Variants in CTNND2 observed in about 807,000 individuals in gnomAD.
CTNND2 encodes catenin delta-2.
Under a neutral mutation model 144.4 loss-of-function variants are expected in CTNND2, and 22 were observed. The ratio of observed to expected loss-of-function variants is 0.15; its 90% confidence interval spans 0.11 to 0.22. The LOEUF is 0.22. CTNND2 is among the 10% of genes least tolerant of loss of function. The pLI is 1.00. For synonymous variants in CTNND2, 751 were observed against 695.6 expected (o/e 1.08, Z -1.25); for missense variants, 1,353 against 1,618.8 (o/e 0.84, Z 2.82).
chr5:11,786,076 C>T (rs1319918889), intron 1 of CTNND2, among the ~76,000 whole-genome samples: 1 of 152,190 alleles, frequency 6.6e-6, no homozygotes, highest in African/African-American at 2.4e-5. Flanking sequence ...TCGACCAGAC[C>T]CCCATTCTGC....
chr5:11,487,607 T>C (rs1443595197), intron 3 of CTNND2, among the ~76,000 whole-genome samples: 1 of 152,156 alleles, frequency 6.6e-6, no homozygotes, highest in Admixed American at 6.5e-5. Context: ...CCAGGGACGC[T>C]GTGAGTCTTT....
chr5:11,570,015 C>T (rs1203227656), intron 2 of CTNND2, among the ~76,000 whole-genome samples: 1 of 152,182 alleles, frequency 6.6e-6, no homozygotes, highest in Admixed American at 6.5e-5. Context: ...AGACAAGATG[C>T]ACATACTATT....
intron 16 of CTNND2, among the ~76,000 whole-genome samples, chr5:11,025,609 A>G (rs182074645): frequency 1.6e-4 from 25 of 152,318 alleles, no homozygotes; most frequent in Admixed American, 1.4e-3. Flanking sequence ...GATATTTTAC[A>G]AAAAGAATTC....
chr5:11,484,610 CAA>C (rs1768627011), intron 3 of CTNND2, among the ~76,000 whole-genome samples: 1 of 152,156 alleles, frequency 6.6e-6, no homozygotes, highest in African/African-American at 2.4e-5. Context: ...CATATATACC[CAA>C]GACAACTATA....
At chr5:11,304,241 T>C (rs1344844334) in intron 9 of CTNND2, among the ~76,000 whole-genome samples, 1 of 152,168 alleles carries the variant, frequency 6.6e-6, no homozygotes, top group Non-Finnish European at 1.5e-5. Flanking sequence ...TAAAATACTT[T>C]GTGAAATGTT....
At chr5:11,083,940 C>T in intron 15 of CTNND2, 1 of 1,147,742 alleles carries the variant, frequency 8.7e-7, no homozygotes, top group South Asian at 1.7e-5. Context: ...ATGCCTGCCA[C>T]ATCCTCAGCC....
At chr5:11,157,746 C>T (rs1052080790) in intron 12 of CTNND2, among the ~76,000 whole-genome samples, 3 of 152,222 alleles carry the variant, frequency 2.0e-5, no homozygotes, top group Non-Finnish European at 4.4e-5. Context: ...TCTGGTGTCA[C>T]AGATGTCTGC....
intron 6 of CTNND2, 45 bp from the exon 7 acceptor site, chr5:11,385,274 A>C: frequency 9.6e-7 from 1 of 1,044,454 alleles, no homozygotes; most frequent in Non-Finnish European, 1.2e-6. Context: ...GCGAGGGAGA[A>C]GCACACGGCC....
chr5:11,199,694 C>T (rs1433653868), intron 10 of CTNND2, 33 bp from the exon 11 acceptor site: 3 of 1,557,068 alleles, frequency 1.9e-6, no homozygotes, highest in Non-Finnish European at 2.7e-6. Context: ...TTTTGCTTTA[C>T]AGTGTAAGGT....
chr5:11,128,845 T>C (rs1176074460), intron 12 of CTNND2, among the ~76,000 whole-genome samples: 1 of 59,382 alleles, frequency 1.7e-5, no homozygotes, highest in Non-Finnish European at 2.8e-5. Flanking sequence ...ATTAAGTATA[T>C]AATATATATA....
At chr5:11,857,294 C>T (rs1332023390) in intron 1 of CTNND2, among the ~76,000 whole-genome samples, 2 of 152,098 alleles carry the variant, frequency 1.3e-5, no homozygotes, top group African/African-American at 4.8e-5. Context: ...AGGTACAAAG[C>T]TCTGGCAGGG....
At chr5:11,598,661 A>G (rs1779639964) in intron 2 of CTNND2, among the ~76,000 whole-genome samples, 1 of 152,200 alleles carries the variant, frequency 6.6e-6, no homozygotes, top group Admixed American at 6.5e-5. Flanking sequence ...TAATATACGA[A>G]TTGAAGATGA....
intron 12 of CTNND2, among the ~76,000 whole-genome samples, chr5:11,122,837 C>A (rs556279823): frequency 6.6e-6 from 1 of 152,172 alleles, no homozygotes; most frequent in African/African-American, 2.4e-5. Context: ...ATACTTAGTA[C>A]AGCCTTGATG....
chr5:11,876,828 T>A (rs1445005935), intron 1 of CTNND2, among the ~76,000 whole-genome samples: 1 of 152,206 alleles, frequency 6.6e-6, no homozygotes, highest in Admixed American at 6.5e-5. Flanking sequence ...AATTTTAAAT[T>A]ATTATTATAA....
chr5:11,441,306 T>G (rs1199392284), intron 3 of CTNND2, among the ~76,000 whole-genome samples: 1 of 152,010 alleles, frequency 6.6e-6, no homozygotes, highest in Non-Finnish European at 1.5e-5. Context: ...CAGGCCATTT[T>G]ATTATTGAGC....
intron 1 of CTNND2, among the ~76,000 whole-genome samples, chr5:11,809,840 C>T (rs1010393820): frequency 2.6e-5 from 4 of 152,148 alleles, no homozygotes; most frequent in African/African-American, 9.7e-5. Flanking sequence ...GAAGTCACTG[C>T]GGTCCTATTG....
intron 1 of CTNND2, among the ~76,000 whole-genome samples, chr5:11,835,944 AT>A (rs1200491684): frequency 6.6e-6 from 1 of 151,874 alleles, no homozygotes; most frequent in Non-Finnish European, 1.5e-5. Flanking sequence ...TTTTTAATGC[AT>A]GCATTTAGTG....
At chr5:11,898,865 A>C (rs1249040142) in intron 1 of CTNND2, among the ~76,000 whole-genome samples, 3 of 152,204 alleles carry the variant, frequency 2.0e-5, no homozygotes, top group Non-Finnish European at 4.4e-5. Flanking sequence ...TATACAGCTC[A>C]CATTCTGAAA....
chr5:11,423,867 G>A (rs753851854), intron 3 of CTNND2, among the ~76,000 whole-genome samples: 3 of 152,182 alleles, frequency 2.0e-5, no homozygotes, highest in East Asian at 3.9e-4. Flanking sequence ...AACCATTGCC[G>A]ATTTCACAAT....
Sources: allele counts gnomAD v4.1 joint callset (sites outside exome capture counted in the v4.1 genomes callset), GRCh38; gene constraint gnomAD v4.1.1; transcripts MANE v1.5; gene names NCBI Gene and HGNC (gene_info 2026-07-23, HGNC 2026-07-21).